MSS51: variants seen among roughly 807,000 people sequenced by gnomAD.
The protein encoded by MSS51 is MSS51 mitochondrial translational activator.
MSS51 carries 32 observed loss-of-function variants against 40.2 expected under a neutral mutation model. The observed-to-expected ratio is 0.80, with a 90% confidence interval of 0.60 to 1.07. MSS51 has a LOEUF of 1.07. Ranked by LOEUF, MSS51 falls within the 50% of genes least tolerant of loss-of-function variation. MSS51 has a pLI of 0.00. For synonymous variants in MSS51, 178 were observed against 214.2 expected (o/e 0.83, Z 1.48); for missense variants, 518 against 568.9 (o/e 0.91, Z 0.91).
At chr10:73,429,287 T>C (rs58520739) in intron 1 of MSS51, among the ~76,000 whole-genome samples, 7,097 of 152,222 alleles carry the variant, frequency 0.047, 509 homozygotes, top group African/African-American at 0.15. Flanking sequence ...GCTGATCAAA[T>C]GGAACTGTAT....
intron 1 of MSS51, among the ~76,000 whole-genome samples, chr10:73,431,745 C>A (rs2132726056): frequency 1.3e-5 from 2 of 152,298 alleles, no homozygotes; most frequent in Middle Eastern, 6.8e-3. Context: ...TGGTTTCAGT[C>A]CACAGAACAG....
intron 1 of MSS51, among the ~76,000 whole-genome samples, chr10:73,432,324 A>C (rs2056034801): frequency 6.6e-6 from 1 of 152,008 alleles, no homozygotes; most frequent in Admixed American, 6.6e-5. Flanking sequence ...GGCATGAGCC[A>C]CGGCGCCCGG....
At chr10:73,427,922 GTAA>G in intron 2 of MSS51, 139 bp downstream of exon 2, 1 of 1,188,904 alleles carries the variant, frequency 8.4e-7, no homozygotes, top group Non-Finnish European at 1.2e-6. Flanking sequence ...TTCTTTTATA[GTAA>G]TATAGTAACT....
chr10:73,424,095 T>C lies in MSS51; in HGVS notation c.*458A>G, dbSNP rs114219319. On this transcript the variant is annotated 3_prime_UTR_variant, in exon 7 of 7. Transcript: ENST00000299432. ...GCTAAACTCTTAGAAACCAGTTACA[T>C]TGGCTGGGCATGGTGGCTCATGCCT... The C allele has an allele frequency of 6.0e-6, 1 of 167,132 alleles. No homozygotes were observed. Among genetic ancestry groups the C allele is most frequent in the East Asian group, 1.6e-4 (1 of 6,240 alleles). 10.4% of individuals were successfully genotyped at this position (167,132 alleles called of 1,614,324 possible).
chr10:73,426,346 TG>T lies in MSS51; in HGVS notation c.533del (p.Pro178HisfsTer16), dbSNP rs759012928. On this transcript the variant is annotated frameshift_variant, in exon 5 of 7. Coordinates refer to ENST00000299432, the MANE Select transcript of MSS51 (RefSeq NM_001024593.2). LOFTEE classifies it high-confidence loss of function. ...AGTCCTGTACAGCTTCAGGTGGCCATGGCCAAGGTCCTGAGGGTAGAACAAA... is the reference window on the plus strand; with the variant it reads ...AGTCCTGTACAGCTTCAGGTGGCCATGCCAAGGTCCTGAGGGTAGAACAAA... ...GDFVLPSGPW[P>X]WPPEAVQDWD... 2.5e-6 allele frequency: 4 copies of T among 1,602,990 alleles called. No individual in the cohort carries two copies. The Admixed American group carries it at 6.7e-5, about 27-fold the overall frequency.
chr10:73,430,080 T>C (rs2056017300), intron 1 of MSS51, among the ~76,000 whole-genome samples: 1 of 152,100 alleles, frequency 6.6e-6, no homozygotes, highest in African/African-American at 2.4e-5. Flanking sequence ...GACAGAAACA[T>C]TCTGCAAATT....
chr10:73,426,490 G>A (rs975785251), intron 4 of MSS51, 113 bp from the exon 5 acceptor site: 29 of 1,583,816 alleles, frequency 1.8e-5, no homozygotes, highest in South Asian at 2.3e-5. Flanking sequence ...GTGAGCAGGC[G>A]TGCCCCATCC....
intron 1 of MSS51, among the ~76,000 whole-genome samples, chr10:73,432,786 C>T (rs910810714): frequency 6.6e-6 from 1 of 152,166 alleles, no homozygotes; most frequent in Non-Finnish European, 1.5e-5. Context: ...TATACATCAT[C>T]AGGTTCATGT....
chr10:73,429,584 G>A, intron 1 of MSS51: 1 of 456,020 alleles, frequency 2.2e-6, no homozygotes, highest in Non-Finnish European at 4.4e-6. Context: ...TTCCTAAAGT[G>A]GTAAGTTTTG....
At chr10:73,430,358 TA>T (rs1271780541) in intron 1 of MSS51, among the ~76,000 whole-genome samples, 2 of 152,108 alleles carry the variant, frequency 1.3e-5, no homozygotes, top group Non-Finnish European at 2.9e-5. Flanking sequence ...TTGCACACCA[TA>T]TATCTGATAA....
At chr10:73,433,452 T>A (rs2056043836) in intron 1 of MSS51, 61 bp downstream of exon 1, 1 of 152,082 alleles carries the variant, frequency 6.6e-6, no homozygotes, top group South Asian at 2.1e-4. Flanking sequence ...CCTGGGGTGA[T>A]AAATACTTTA....
chr10:73,431,426 CTG>C (rs1378790540), intron 1 of MSS51, among the ~76,000 whole-genome samples: 2 of 152,184 alleles, frequency 1.3e-5, no homozygotes, highest in African/African-American at 4.8e-5. Context: ...AATGAGGAAA[CTG>C]TTAAAGTTCA....
chr10:73,432,314 G>C (rs2056034769), intron 1 of MSS51, among the ~76,000 whole-genome samples: 1 of 152,078 alleles, frequency 6.6e-6, no homozygotes, highest in Admixed American at 6.5e-5. Flanking sequence ...TGGGATTACA[G>C]GCATGAGCCA....
At position 73,428,053 on chromosome 10, in the gene MSS51, T is replaced by C; in HGVS notation, c.221+11A>G. 1 of 1,612,046 alleles carries C rather than the reference T, an allele frequency of 6.2e-7. No individual in the cohort carries two copies. The highest frequency in any genetic ancestry group is 8.5e-7 in the Non-Finnish European group (1 of 1,178,298). ...ACAATATATCCCTTTTCCATAGAGC[T>C]GGTCACTCACTTATATTCTTCATAG... On this transcript the variant is annotated intron_variant, in intron 2 of 6. Coordinates refer to ENST00000299432, the MANE Select transcript of MSS51 (RefSeq NM_001024593.2).
chr10:73,426,710 A>G lies in MSS51; in HGVS notation c.399T>C (p.Cys133=). Residue 133 remains cysteine (C), a synonymous_variant, in exon 4 of 7, where the codon TGT becomes TGC. Transcript: ENST00000299432. ...AGTCTGACTTCTGGCACTCTGGACC[A>G]CAGTAATAGACATTTCTGCACCTGA... ...HCKRCRNVYY[C]GPECQKSDWP... 6.2e-7 allele frequency: 1 copy of G among 1,614,160 alleles called. No individual in the cohort carries two copies. Among genetic ancestry groups the G allele is most frequent in the Non-Finnish European group, 8.5e-7 (1 of 1,180,022 alleles).
intron 3 of MSS51, among the ~76,000 whole-genome samples, 168 bp downstream of exon 3, chr10:73,427,444 AT>A (rs2055997379): frequency 6.6e-6 from 1 of 151,728 alleles, no homozygotes. Context: ...CACCAGGCTA[AT>A]TTTTGTATTT....
chr10:73,430,042 C>G (rs943313345), intron 1 of MSS51, among the ~76,000 whole-genome samples: 1 of 152,050 alleles, frequency 6.6e-6, no homozygotes, highest in African/African-American at 2.4e-5. Flanking sequence ...ATTCTAAGCA[C>G]AGAGGAGAGA....
intron 1 of MSS51, among the ~76,000 whole-genome samples, chr10:73,431,654 T>C (rs1220812680): frequency 1.3e-5 from 2 of 152,190 alleles, no homozygotes; most frequent in African/African-American, 4.8e-5. Context: ...AATTTGTATT[T>C]TCCTTTGTAC....
In MSS51 at chr10:73,427,516, G is replaced by A. The variant is rs763362631; in HGVS notation, c.377+97C>T. The A allele has an allele frequency of 3.0e-5, 40 of 1,330,552 alleles. No individual in the cohort carries two copies. In the Admixed American group the frequency reaches 8.1e-4, roughly 27 times the overall value. 82.4% of individuals were successfully genotyped at this position (1,330,552 alleles called of 1,614,324 possible). On this transcript the variant is annotated intron_variant, in intron 3 of 6. Transcript: ENST00000299432. ...TGGCCTCATGTGATCCACCTGCCTCGGCCTCCCAAGGTGCTGGAATTACAG... is the reference window on the plus strand; with the variant it reads ...TGGCCTCATGTGATCCACCTGCCTCAGCCTCCCAAGGTGCTGGAATTACAG...
Sources: gnomAD v4.1 joint callset for allele counts (sites outside exome capture counted in the v4.1 genomes callset) on GRCh38, gnomAD v4.1.1 for gene constraint, MANE v1.5 for transcripts, NCBI Gene and HGNC (gene_info 2026-07-23, HGNC 2026-07-21) for gene names.